The following PPP6C variants were observed in gnomAD, a reference collection of about 807,000 sequenced individuals.
The protein encoded by PPP6C is protein phosphatase 6 catalytic subunit.
Under a neutral mutation model 39.8 loss-of-function variants are expected in PPP6C, and 11 were observed. The observed-to-expected ratio is 0.28, with a 90% CI of 0.17 to 0.46. The LOEUF is 0.46. Among genes scored for constraint, PPP6C ranks in the 20% least tolerant of loss-of-function variants. The pLI is 1.00. For synonymous variants in PPP6C, 129 were observed against 130.3 expected, an observed-to-expected ratio of 0.99 and a Z score of 0.07; for missense variants, 211 against 373.9, an observed-to-expected ratio of 0.56 and a Z score of 3.59.
intron 2 of PPP6C, among the ~76,000 whole-genome samples, chr9:125,162,830 C>A (rs981099132): frequency 7.3e-5 from 11 of 150,228 alleles, no homozygotes; most frequent in Non-Finnish European, 1.6e-4. Context: ...GTAATCCCAG[C>A]ACTTTGGGAG....
At chr9:125,160,998 A>C in intron 2 of PPP6C, 92 bp from the exon 3 acceptor site, 1 of 762,190 alleles carries the variant, frequency 1.3e-6, no homozygotes. Context: ...GAAGCAGCTA[A>C]GAGGACTCCA....
At chr9:125,182,691 A>G (rs1219856117) in intron 1 of PPP6C, among the ~76,000 whole-genome samples, 1 of 150,272 alleles carries the variant, frequency 6.7e-6, no homozygotes, top group African/African-American at 2.5e-5. Flanking sequence ...CTAATTATTC[A>G]TTGCAGGGGA....
At chr9:125,164,017 T>G (rs1828954787) in intron 2 of PPP6C, among the ~76,000 whole-genome samples, 2 of 151,552 alleles carry the variant, frequency 1.3e-5, no homozygotes, top group Non-Finnish European at 2.9e-5. Context: ...TTTGTATTTT[T>G]ATTAAAGACG....
chr9:125,151,515 T>A (rs1451947784), intron 6 of PPP6C: 1 of 798,500 alleles, frequency 1.3e-6, no homozygotes, highest in Non-Finnish European at 2.3e-6. Context: ...AACATCTCTA[T>A]GAGCCTTGCA....
intron 4 of PPP6C, among the ~76,000 whole-genome samples, chr9:125,155,122 T>C (rs1008517302): frequency 3.3e-5 from 5 of 152,086 alleles, no homozygotes; most frequent in Non-Finnish European, 5.9e-5. Context: ...TCCAGGCTGG[T>C]CTTGAACTCC....
At position 125,153,889 on chromosome 9, in the gene PPP6C, T is replaced by C; in HGVS notation, c.459+17A>G. On this transcript the variant is annotated intron_variant, in intron 5 of 6. Transcript: ENST00000373547. Reference sequence around the variant, plus strand: ...ATTGGCAGGAACGTACATGAGACTTTAAAAATAGAAACTTACAGCTGCTAC... The same window carrying C: ...ATTGGCAGGAACGTACATGAGACTTCAAAAATAGAAACTTACAGCTGCTAC... 4 of 1,584,744 alleles carry C rather than the reference T, an allele frequency of 2.5e-6. No individual in the cohort carries two copies. Among genetic ancestry groups the C allele is most frequent in the Non-Finnish European group, 3.5e-6 (4 of 1,154,844 alleles).
intron 4 of PPP6C, among the ~76,000 whole-genome samples, chr9:125,156,066 C>T (rs945938691): frequency 6.6e-6 from 1 of 151,748 alleles, no homozygotes; most frequent in Non-Finnish European, 1.5e-5. Flanking sequence ...AGTATGTTAT[C>T]CAAAATATTG....
intron 2 of PPP6C, among the ~76,000 whole-genome samples, chr9:125,166,069 T>C (rs1829006498): frequency 6.6e-6 from 1 of 152,154 alleles, no homozygotes; most frequent in South Asian, 2.1e-4. Context: ...AGTGCTGGGA[T>C]TGCAGGTGTG....
intron 1 of PPP6C, among the ~76,000 whole-genome samples, chr9:125,172,712 TACACACAAACAC>T (rs996973754): frequency 4.0e-5 from 5 of 126,034 alleles, no homozygotes; most frequent in African/African-American, 1.2e-4. Flanking sequence ...AAGAACTGAA[TACACACAAACAC>T]ACACACACAC....
At chr9:125,152,156 TG>T (rs1023781855) in intron 6 of PPP6C, among the ~76,000 whole-genome samples, 44 of 152,066 alleles carry the variant, frequency 2.9e-4, no homozygotes, top group African/African-American at 1.0e-3. Context: ...GCGCAGCAAA[TG>T]TTTCTTGGGA....
intron 1 of PPP6C, 26 bp downstream of exon 1, chr9:125,189,618 G>C: frequency 6.2e-7 from 1 of 1,612,180 alleles, no homozygotes; most frequent in East Asian, 2.2e-5. Context: ...ACAGCCGGAA[G>C]GGGCGAGCCC....
intron 1 of PPP6C, among the ~76,000 whole-genome samples, chr9:125,185,819 T>C (rs1564160282): frequency 6.6e-6 from 1 of 151,612 alleles, no homozygotes; most frequent in Non-Finnish European, 1.5e-5. Context: ...ACCTGGTCTC[T>C]ACTAAAAATA....
In PPP6C at chr9:125,150,853, T is replaced by C. The variant is rs1323655669; in HGVS notation, c.670-932A>G. On this transcript the variant is annotated intron_variant, in intron 6 of 6. Coordinates refer to ENST00000373547, the MANE Select transcript of PPP6C (RefSeq NM_002721.5). ...GGCAAAATCAATGACAATTTAATGG[T>C]GCCTTTGATCATGACTAATACCTGC... The C allele has an allele frequency of 1.7e-5, 13 of 786,078 alleles. No homozygotes were observed. The Admixed American group carries it at 2.2e-4, about 14-fold the overall frequency. The allele number at this position is 786,078 out of a possible 1,614,324, so 48.7% of individuals were successfully genotyped here. A position where few individuals can be genotyped will look rare whatever the true frequency, so the allele number is the denominator to read the frequency against.
At position 125,158,350 on chromosome 9, in the gene PPP6C, C is replaced by T. The variant is rs1213322545; in HGVS notation, c.270G>A (p.Leu90=). Reference sequence around the variant, plus strand: ...ATGCAAGAAGGTAAGTGAAGGTCTCCAAACTATAGTAACCTCTGTCTACAA... The same window carrying T: ...ATGCAAGAAGGTAAGTGAAGGTCTCTAAACTATAGTAACCTCTGTCTACAA... ...GDFVDRGYYS[L]ETFTYLLALK... is the part of the protein sequence containing the mutation. Residue 90 remains leucine (L), a synonymous_variant, in exon 4 of 7, where the codon TTG becomes TTA. Transcript: ENST00000373547. 1 of 1,613,570 alleles carries T rather than the reference C, an allele frequency of 6.2e-7. No individual in the cohort carries two copies. Among genetic ancestry groups the T allele is most frequent in the Non-Finnish European group, 8.5e-7 (1 of 1,179,670 alleles).
rs974621668 is a variant in PPP6C, at chr9:125,188,384, C to CA, written c.75+1259dup. Reference sequence around the variant, plus strand: ...TGGGCGACAGAGCGAGACTCCGTCTCAAAAAAAAAGAATACACTGAGTCGG... The same window carrying CA: ...TGGGCGACAGAGCGAGACTCCGTCTCAAAAAAAAAAGAATACACTGAGTCGG... On this transcript the variant is annotated intron_variant, in intron 1 of 6. Transcript: ENST00000373547. Among the ~76,000 whole-genome samples, 134 of 148,860 alleles carry CA rather than the reference C, an allele frequency of 9.0e-4. 1 individual carries two copies. Among genetic ancestry groups the CA allele is most frequent in the South Asian group, 4.3e-3 (20 of 4,704 alleles).
In PPP6C at chr9:125,148,941, A is replaced by G. The variant is rs1835871073; in HGVS notation, c.*732T>C. The G allele has an allele frequency of 6.6e-6, 1 of 152,060 alleles. No homozygotes were observed. Among genetic ancestry groups the G allele is most frequent in the Non-Finnish European group, 1.5e-5 (1 of 68,028 alleles). 9.4% of individuals were successfully genotyped at this position (152,060 alleles called of 1,614,324 possible). On this transcript the variant is annotated 3_prime_UTR_variant, in exon 7 of 7. Coordinates refer to ENST00000373547, the MANE Select transcript of PPP6C (RefSeq NM_002721.5). Reference sequence around the variant, plus strand: ...AACTCTGATTAGGAAAAAAGAAAAGATAACTTTACGCTAACAATGTAAGCT... The same window carrying G: ...AACTCTGATTAGGAAAAAAGAAAAGGTAACTTTACGCTAACAATGTAAGCT...
intron 1 of PPP6C, among the ~76,000 whole-genome samples, chr9:125,175,486 C>T (rs1184198219): frequency 6.6e-6 from 1 of 150,906 alleles, no homozygotes; most frequent in African/African-American, 2.4e-5. Context: ...AAAAAAAATA[C>T]AAAAAAATTA....
At chr9:125,171,843 C>T in intron 1 of PPP6C, 4 of 455,378 alleles carry the variant, frequency 8.8e-6, no homozygotes, top group Middle Eastern at 6.5e-4. Context: ...CGTCAGCCAC[C>T]GTGCCCAGCC....
At chr9:125,155,340 T>C (rs1588274165) in intron 4 of PPP6C, among the ~76,000 whole-genome samples, 2 of 151,800 alleles carry the variant, frequency 1.3e-5, no homozygotes, top group South Asian at 4.2e-4. Flanking sequence ...GAAAATGATA[T>C]AGGAAAGAAG....
Sources: allele counts gnomAD v4.1 joint callset (sites outside exome capture counted in the v4.1 genomes callset), GRCh38; gene constraint gnomAD v4.1.1; transcripts MANE v1.5; gene names NCBI Gene and HGNC (gene_info 2026-07-23, HGNC 2026-07-21).